GPR155: variants seen among roughly 807,000 people sequenced by gnomAD.
GPR155 encodes lysosomal cholesterol signaling protein.
In GPR155, 65 loss-of-function variants were observed where a neutral mutation model predicts 93.1. That is an observed-to-expected ratio of 0.70 (90% CI 0.57 to 0.86). The LOEUF is 0.86. Ranked by LOEUF, GPR155 falls within the 40% of genes least tolerant of loss-of-function variation. GPR155 has a pLI of 0.00. For synonymous variants in GPR155, 319 were observed against 360.1 expected, an observed-to-expected ratio of 0.89 and a Z score of 1.29; for missense variants, 838 against 1,034.8, an observed-to-expected ratio of 0.81 and a Z score of 2.61.
In GPR155 at chr2:174,433,576, G is replaced by C. The variant is rs972658595; in HGVS notation, c.*2540C>G. 14 of 152,200 alleles carry C rather than the reference G, an allele frequency of 9.2e-5. No homozygotes were observed. The highest frequency in any genetic ancestry group is 5.8e-4 in the East Asian group (3 of 5,194). The allele number at this position is 152,200 out of a possible 1,614,324, so 9.4% of individuals were successfully genotyped here. The stretch of plus-strand genomic sequence containing the variant: ...GTAAAGTTGAAGTCACATCCTCAAT[G>C]TGTTAGTATTAGGAGGTAGGGCCTT... On this transcript the variant is annotated 3_prime_UTR_variant, in exon 16 of 16. Coordinates refer to ENST00000392552, the MANE Select transcript of GPR155 (RefSeq NM_152529.7).
chr2:174,466,926 G>T (rs1469296211), intron 5 of GPR155, among the ~76,000 whole-genome samples: 1 of 151,780 alleles, frequency 6.6e-6, no homozygotes, highest in African/African-American at 2.4e-5. Flanking sequence ...GGAGGCCAAG[G>T]CAGGTGGATC....
chr2:174,461,244 A>G (rs1447102825), intron 9 of GPR155, among the ~76,000 whole-genome samples, 158 bp downstream of exon 9: 2 of 152,242 alleles, frequency 1.3e-5, no homozygotes, highest in Non-Finnish European at 2.9e-5. Flanking sequence ...TAAAATGTTC[A>G]TGTTCTAGAT....
At chr2:174,446,310 AAAAAAAAAAAT>A (rs1431431151) in intron 12 of GPR155, among the ~76,000 whole-genome samples, 2 of 10,454 alleles carry the variant, frequency 1.9e-4, no homozygotes, top group African/African-American at 2.9e-4. Context: ...CTGTCTCAAA[AAAAAAAAAAAT>A]AAAAAATAAA....
intron 10 of GPR155, among the ~76,000 whole-genome samples, chr2:174,457,038 G>A (rs149131944): frequency 0.016 from 2,406 of 152,290 alleles, 26 homozygotes; most frequent in South Asian, 0.033. Context: ...TGGGCCAGGC[G>A]CAGTGGCTCA....
chr2:174,460,711 CT>C (rs1179894105), intron 9 of GPR155, among the ~76,000 whole-genome samples: 1 of 152,122 alleles, frequency 6.6e-6, no homozygotes, highest in East Asian at 1.9e-4. Context: ...ACTCCTGTTT[CT>C]GCTCACTTCC....
chr2:174,486,258 A>AG (rs1688476133), intron 1 of GPR155, among the ~76,000 whole-genome samples: 1 of 152,166 alleles, frequency 6.6e-6, no homozygotes, highest in South Asian at 2.1e-4. Context: ...CCTCGTCTGC[A>AG]GGGACAGACT....
chr2:174,443,736 AAAGT>A lies in GPR155; in HGVS notation c.2109+1341_2109+1344del, dbSNP rs547618225. On this transcript the variant is annotated intron_variant, in intron 13 of 15. Transcript: ENST00000392552. The stretch of plus-strand genomic sequence containing the variant: ...GAGACTCCATCTCAATTAAAAAAAA[AAAGT>A]AAGGAGTTAAAGGTCAAAATTTGGA... Among the ~76,000 whole-genome samples the A allele has an allele frequency of 1.1e-4, 17 of 152,314 alleles. No homozygotes were observed. In the South Asian group the frequency reaches 3.3e-3, roughly 30 times the overall value.
At chr2:174,478,389 CTGT>C (rs979000530) in intron 2 of GPR155, among the ~76,000 whole-genome samples, 54 of 152,014 alleles carry the variant, frequency 3.6e-4, no homozygotes, top group African/African-American at 1.2e-3. Context: ...GCTAATTTTG[CTGT>C]TGTTGTTGTA....
In GPR155 at chr2:174,431,597, C is replaced by T. The variant is rs1024683357; in HGVS notation, c.*4519G>A. On this transcript the variant is annotated 3_prime_UTR_variant, in exon 16 of 16. Transcript: ENST00000392552. ...TTCATTAATTATTTCAACCTTTTAT[C>T]ATACCAATTGCAGAAATTTATAATC... The T allele has an allele frequency of 1.3e-5, 2 of 152,174 alleles. No homozygotes were observed. Among genetic ancestry groups the T allele is most frequent in the East Asian group, 3.8e-4 (2 of 5,198 alleles). The allele number at this position is 152,174 out of a possible 1,614,324, so 9.4% of individuals were successfully genotyped here. A position where few individuals can be genotyped will look rare whatever the true frequency, so the allele number is the denominator to read the frequency against.
At chr2:174,444,792 G>A (rs747876058) in intron 13 of GPR155, among the ~76,000 whole-genome samples, 4 of 151,894 alleles carry the variant, frequency 2.6e-5, no homozygotes, top group Admixed American at 1.3e-4. Context: ...CAATGAGCCC[G>A]GTCCCAATGT....
intron 11 of GPR155, among the ~76,000 whole-genome samples, chr2:174,452,134 G>A (rs1169067633): frequency 1.3e-5 from 2 of 151,788 alleles, no homozygotes; most frequent in Non-Finnish European, 2.9e-5. Flanking sequence ...GTAAAGAAAC[G>A]ATTTTAGAAA....
chr2:174,472,816 C>A, intron 3 of GPR155, 149 bp downstream of exon 3: 1 of 602,170 alleles, frequency 1.7e-6, no homozygotes, highest in Non-Finnish European at 2.8e-6. Context: ...CCACAATACA[C>A]CATCACATTT....
intron 13 of GPR155, among the ~76,000 whole-genome samples, chr2:174,442,595 A>G (rs1344937612): frequency 6.6e-5 from 10 of 152,236 alleles, no homozygotes; most frequent in Admixed American, 6.5e-4. Flanking sequence ...CAGTAATTGA[A>G]CAGAATTTAT....
In GPR155 at chr2:174,440,778, C is replaced by A. The variant is rs75528688; in HGVS notation, c.2175-743G>T. 2.5e-3 allele frequency among the ~76,000 whole-genome samples: 375 copies of A among 152,270 alleles called. 2 individuals carry two copies. The highest frequency in any genetic ancestry group is 0.022 in the South Asian group (107 of 4,826). ...TTTGTCCCGACCTCTTCCTCCTACC[C>A]CCACATTGGAGTATTACTACTTGTT... On this transcript the variant is annotated intron_variant, in intron 14 of 15. Coordinates refer to ENST00000392552, the MANE Select transcript of GPR155 (RefSeq NM_152529.7).
At chr2:174,446,498 T>C (rs543855109) in intron 12 of GPR155, 113 bp downstream of exon 12, 6 of 890,020 alleles carry the variant, frequency 6.7e-6, no homozygotes, top group South Asian at 6.7e-5. Flanking sequence ...TCAGGTGACC[T>C]AGCTACCACA....
chr2:174,460,283 C>A lies in GPR155; in HGVS notation c.1561-195G>T, dbSNP rs561431747. On this transcript the variant is annotated intron_variant, in intron 9 of 15. Coordinates refer to ENST00000392552, the MANE Select transcript of GPR155 (RefSeq NM_152529.7). ...TCACGCCATTCTCCTGCCTCAGCCTCCCAAGTAGCTGGGAATACAGGCGCC... is the reference window on the plus strand; with the variant it reads ...TCACGCCATTCTCCTGCCTCAGCCTACCAAGTAGCTGGGAATACAGGCGCC... Among the ~76,000 whole-genome samples, 8 of 151,152 alleles carry A rather than the reference C, an allele frequency of 5.3e-5. No homozygotes were observed. In the East Asian group the frequency reaches 1.6e-3, roughly 30 times the overall value.
chr2:174,435,956 C>T lies in GPR155; in HGVS notation c.*160G>A. The T allele has an allele frequency of 1.6e-6, 1 of 608,506 alleles. No homozygotes were observed. Among genetic ancestry groups the T allele is most frequent in the South Asian group, 2.1e-5 (1 of 47,176 alleles). The allele number at this position is 608,506 out of a possible 1,614,324, so 37.7% of individuals were successfully genotyped here. ...TTTTACATACATGTAAAATCACAGA[C>T]CCTGCGCATGTGGTGGGAGCACATC... is the stretch of plus-strand genomic sequence containing the variant. On this transcript the variant is annotated 3_prime_UTR_variant, in exon 16 of 16. Transcript: ENST00000392552.
intron 11 of GPR155, among the ~76,000 whole-genome samples, chr2:174,448,383 G>GT (rs1157115536): frequency 6.6e-6 from 1 of 152,032 alleles, no homozygotes; most frequent in African/African-American, 2.4e-5. Context: ...TCAAAAAAAA[G>GT]TAATGCCTCA....
chr2:174,439,175 T>G (rs868740014), intron 15 of GPR155, among the ~76,000 whole-genome samples: 1 of 152,026 alleles, frequency 6.6e-6, no homozygotes, highest in Middle Eastern at 3.4e-3. Flanking sequence ...GTAAATAAAT[T>G]ATCCTCCATA....
Sources: gnomAD v4.1 joint callset for allele counts (sites outside exome capture counted in the v4.1 genomes callset) on GRCh38, gnomAD v4.1.1 for gene constraint, MANE v1.5 for transcripts, NCBI Gene and HGNC (gene_info 2026-07-23, HGNC 2026-07-21) for gene names.